MAL2: variants seen among roughly 807,000 people sequenced by gnomAD.
MAL2 encodes protein MAL2.
Under a neutral mutation model 18.1 loss-of-function variants are expected in MAL2, and 17 were observed. The ratio of observed to expected loss-of-function variants is 0.94; its 90% CI spans 0.64 to 1.41. MAL2 has a LOEUF of 1.41. Ranked by LOEUF, MAL2 falls within the 40% of genes most tolerant of loss-of-function variation. The probability of loss-of-function intolerance (pLI) is 0.00; values close to 1 mark genes in which losing one functional copy is unlikely to be tolerated. For missense variants in MAL2, 222 were observed against 231.9 expected, an observed-to-expected ratio of 0.96 and a Z score of 0.28; for synonymous variants, 102 against 102.3, an observed-to-expected ratio of 1.00 and a Z score of 0.02.
chr8:119,234,380 G>T (rs1489795190), intron 2 of MAL2, among the ~76,000 whole-genome samples: 2 of 152,204 alleles, frequency 1.3e-5, no homozygotes, highest in African/African-American at 2.4e-5. Flanking sequence ...CAAGGCTGGG[G>T]GAGGGGCGCC....
intron 3 of MAL2, among the ~76,000 whole-genome samples, chr8:119,240,701 A>G (rs116166958): frequency 0.014 from 2,108 of 152,206 alleles, 48 homozygotes; most frequent in African/African-American, 0.049. Flanking sequence ...ATTTATTTCT[A>G]TTGAATGAAT....
At chr8:119,237,690 C>T (rs1817937953) in intron 2 of MAL2, among the ~76,000 whole-genome samples, 1 of 151,744 alleles carries the variant, frequency 6.6e-6, no homozygotes, top group African/African-American at 2.4e-5. Context: ...ACAAAAACCA[C>T]ATGATTATCT....
chr8:119,240,902 A>C (rs1019117033), intron 3 of MAL2, among the ~76,000 whole-genome samples: 1 of 152,162 alleles, frequency 6.6e-6, no homozygotes, highest in African/African-American at 2.4e-5. Context: ...AATCATCTTT[A>C]ATTCGTATAC....
intron 2 of MAL2, among the ~76,000 whole-genome samples, chr8:119,239,219 A>T (rs1377447708): frequency 6.6e-6 from 1 of 152,216 alleles, no homozygotes. Flanking sequence ...TCAAAACCAC[A>T]ATGAGATATC....
intron 3 of MAL2, among the ~76,000 whole-genome samples, chr8:119,240,739 G>T (rs930624343): frequency 6.6e-6 from 1 of 152,156 alleles, no homozygotes; most frequent in African/African-American, 2.4e-5. Flanking sequence ...CATTTATCAA[G>T]TAATTTTGCT....
chr8:119,218,102 C>A (rs1481152538), intron 1 of MAL2, among the ~76,000 whole-genome samples: 2 of 152,206 alleles, frequency 1.3e-5, no homozygotes, highest in African/African-American at 4.8e-5. Context: ...GGTGGCCCTC[C>A]AAAGTGGGCT....
chr8:119,215,163 T>A (rs569059710), intron 1 of MAL2: 141 of 152,400 alleles, frequency 9.3e-4, no homozygotes, highest in African/African-American at 3.3e-3. Flanking sequence ...AAGTTTCCCA[T>A]AACTTTCCAT....
chr8:119,240,033 C>A, intron 2 of MAL2, 132 bp from the exon 3 acceptor site: 1 of 998,792 alleles, frequency 1.0e-6, no homozygotes, highest in Non-Finnish European at 1.4e-6. Flanking sequence ...AGCAGCTAAG[C>A]TTAACAGTGA....
chr8:119,226,623 A>ATGAAGGCAATTAAGAAAG (rs56389423), intron 2 of MAL2, among the ~76,000 whole-genome samples: 5 of 151,584 alleles, frequency 3.3e-5, no homozygotes, highest in African/African-American at 1.2e-4. Flanking sequence ...GCAAGAGCAC[A>ATGAAGGCAATTAAGAAAG]TGAAGGCAAT....
At position 119,221,690 on chromosome 8, in the gene MAL2, C is replaced by T. The variant is rs745631374; in HGVS notation, c.236C>T (p.Ser79Leu). 16 of 1,613,738 alleles carry T rather than the reference C, an allele frequency of 9.9e-6. No individual in the cohort carries two copies. Among genetic ancestry groups the T allele is most frequent in the East Asian group, 2.2e-5 (1 of 44,892 alleles). ...MFVSVTAFFF[S>L]LLFLGMFLSG... ...GTGTCCGTGACAGCGTTTTTCTTTT[C>T]GCTCCTCTTTCTGGGCATGTTCCTC... Residue 79 changes from serine to leucine, a missense_variant, in exon 2 of 4, where the codon TCG (serine) becomes TTG (leucine). Physicochemically the swap from Ser to Leu is moderately radical, Grantham distance 145. Transcript: ENST00000614891.
chr8:119,232,546 T>TA (rs1817755624), intron 2 of MAL2, among the ~76,000 whole-genome samples: 1 of 152,182 alleles, frequency 6.6e-6, no homozygotes, highest in Admixed American at 6.5e-5. Flanking sequence ...CAAAGAAGCC[T>TA]AATAAACGAG....
chr8:119,236,693 C>T (rs1234627380), intron 2 of MAL2, among the ~76,000 whole-genome samples: 1 of 150,878 alleles, frequency 6.6e-6, no homozygotes, highest in Non-Finnish European at 1.5e-5. Flanking sequence ...TGAATGACTA[C>T]TGGGTACATA....
intron 1 of MAL2, among the ~76,000 whole-genome samples, chr8:119,218,615 G>A (rs1178377281): frequency 6.6e-6 from 1 of 152,112 alleles, no homozygotes; most frequent in Admixed American, 6.6e-5. Flanking sequence ...AGCTCCTGGA[G>A]ATGGAACCTT....
At chr8:119,234,802 C>T (rs1413143128) in intron 2 of MAL2, among the ~76,000 whole-genome samples, 1 of 151,568 alleles carries the variant, frequency 6.6e-6, no homozygotes, top group Non-Finnish European at 1.5e-5. Flanking sequence ...ACCGAAAACC[C>T]ATCTGTACAT....
In MAL2 at chr8:119,243,966, C is replaced by T. The variant is rs1195141610; in HGVS notation, c.*478C>T. On this transcript the variant is annotated 3_prime_UTR_variant, in exon 4 of 4. Transcript: ENST00000614891. ...ATGGGCCAGATGGTAAATATTTATG[C>T]TTCACGGTCCATACAGTCTCTGTCA... 1 of 152,724 alleles carries T rather than the reference C, an allele frequency of 6.5e-6. No homozygotes were observed. Among genetic ancestry groups the T allele is most frequent in the Non-Finnish European group, 1.5e-5 (1 of 68,512 alleles). 9.5% of individuals were successfully genotyped at this position (152,724 alleles called of 1,614,324 possible). A position where few individuals can be genotyped will look rare whatever the true frequency, so the allele number is the denominator to read the frequency against.
rs2129810125 is a variant in MAL2, at chr8:119,221,509, G to C, written c.133-78G>C. 8 of 1,545,052 alleles carry C rather than the reference G, an allele frequency of 5.2e-6. No individual in the cohort carries two copies. In the South Asian group the frequency reaches 9.5e-5, roughly 18 times the overall value. The stretch of plus-strand genomic sequence containing the variant: ...GGAGGAAAATGAAGGCAATGCTGAG[G>C]GTAATACAAGCATGTTTAATTCTGT... On this transcript the variant is annotated intron_variant, in intron 1 of 3. Coordinates refer to ENST00000614891, the MANE Select transcript of MAL2 (RefSeq NM_052886.3).
intron 2 of MAL2, among the ~76,000 whole-genome samples, chr8:119,234,592 C>A (rs1161388178): frequency 6.6e-6 from 1 of 152,038 alleles, no homozygotes; most frequent in African/African-American, 2.4e-5. Context: ...GTGGTTCTCC[C>A]AGCATGCAGC....
intron 2 of MAL2, among the ~76,000 whole-genome samples, chr8:119,222,386 C>T (rs761382301): frequency 9.9e-5 from 15 of 151,696 alleles, no homozygotes; most frequent in Non-Finnish European, 1.6e-4. Context: ...AAAATTACCC[C>T]GGGCATGATG....
At chr8:119,224,031 C>T (rs1817528652) in intron 2 of MAL2, 1 of 152,122 alleles carries the variant, frequency 6.6e-6, no homozygotes, top group African/African-American at 2.4e-5. Flanking sequence ...TTAGACCATA[C>T]TTGAAGGAAG....
Sources: gnomAD v4.1 joint callset for allele counts (sites outside exome capture counted in the v4.1 genomes callset) on GRCh38, gnomAD v4.1.1 for gene constraint, MANE v1.5 for transcripts, NCBI Gene and HGNC (gene_info 2026-07-23, HGNC 2026-07-21) for gene names.